Variants in CEP192 observed in about 807,000 individuals in gnomAD.
CEP192 encodes the protein centrosomal protein of 192 kDa.
Under a neutral mutation model 271.8 loss-of-function variants are expected in CEP192, and 151 were observed. That is an observed-to-expected ratio of 0.56 (90% CI 0.49 to 0.64). CEP192 has a LOEUF of 0.64. Among genes scored for constraint, CEP192 ranks in the 30% least tolerant of loss-of-function variants. The pLI is 0.00. For missense variants in CEP192, 2,910 were observed against 3,020.5 expected, an observed-to-expected ratio of 0.96 and a Z score of 0.86; for synonymous variants, 995 against 1,076.5, an observed-to-expected ratio of 0.92 and a Z score of 1.48.
intron 3 of CEP192, among the ~76,000 whole-genome samples, chr18:13,001,958 C>T (rs1409657417): frequency 1.3e-5 from 2 of 152,202 alleles, no homozygotes; most frequent in African/African-American, 4.8e-5. Context: ...CCGCCCCACC[C>T]GCGTTGGCCT....
chr18:13,070,713 C>T (rs140485817), intron 27 of CEP192, among the ~76,000 whole-genome samples: 2,348 of 152,324 alleles, frequency 0.015, 23 homozygotes, highest in Non-Finnish European at 0.023. Flanking sequence ...GAGAGTCAGG[C>T]CTGCACCAGT....
chr18:12,993,123 A>T (rs1030841097), intron 1 of CEP192, among the ~76,000 whole-genome samples: 1 of 152,232 alleles, frequency 6.6e-6, no homozygotes, highest in African/African-American at 2.4e-5. Flanking sequence ...TCTCAGCTCC[A>T]GAAGTGTATT....
Position 13,095,666 on chromosome 18 carries a change from G to A in CEP192, c.6418G>A (p.Val2140Ile), listed in dbSNP as rs1226340480. 1.2e-6 allele frequency: 2 copies of A among 1,612,720 alleles called. No homozygotes were observed. The highest frequency in any genetic ancestry group is 1.7e-6 in the Non-Finnish European group (2 of 1,179,618). ...TGTCCTACCCGAGCACTTGATTCTG[G>A]TAGCTCCTTCTCCTTGTGAGTATGT... ...WTVLPEHLIL[V>I]APSPCDMAKT... The change falls in exon 35 of 45, where the codon GTA (valine) becomes ATA (isoleucine). Residue 2140 changes from valine (V) to isoleucine (I), a missense_variant. Coordinates refer to ENST00000506447, the MANE Select transcript of CEP192 (RefSeq NM_032142.4).
intron 44 of CEP192, 110 bp downstream of exon 44, chr18:13,117,753 C>T: frequency 1.4e-6 from 1 of 737,140 alleles, no homozygotes; most frequent in East Asian, 2.5e-5. Flanking sequence ...TATTCCTCAC[C>T]AGCACCAAAC....
intron 36 of CEP192, among the ~76,000 whole-genome samples, chr18:13,098,468 C>T (rs867216882): frequency 2.6e-4 from 39 of 150,496 alleles, no homozygotes; most frequent in African/African-American, 8.1e-4. Flanking sequence ...TCAGACGGGG[C>T]GGCTGGGCAG....
In CEP192 at chr18:13,022,926, T is replaced by C. The variant is rs2035075316; in HGVS notation, c.1050+3720T>C. Among the ~76,000 whole-genome samples the C allele has an allele frequency of 2.0e-5, 3 of 152,236 alleles. No homozygotes were observed. In the South Asian group the frequency reaches 6.2e-4, roughly 32 times the overall value. ...TATTTTGTTAGATTTATACCTAACT[T>C]ATTTCATATGTGGGGGTGTTAATGT... is the stretch of plus-strand genomic sequence containing the variant. On this transcript the variant is annotated intron_variant, in intron 9 of 44. Coordinates refer to ENST00000506447, the MANE Select transcript of CEP192 (RefSeq NM_032142.4).
intron 34 of CEP192, among the ~76,000 whole-genome samples, chr18:13,092,879 G>T (rs1435035916): frequency 2.6e-5 from 4 of 152,122 alleles, no homozygotes; most frequent in African/African-American, 7.2e-5. Flanking sequence ...CTACGGCCAG[G>T]TATGGTGGCT....
intron 36 of CEP192, among the ~76,000 whole-genome samples, chr18:13,099,200 G>A (rs996927230): frequency 1.3e-5 from 2 of 149,900 alleles, no homozygotes; most frequent in Admixed American, 6.6e-5. Context: ...GAGGGGGAGA[G>A]GGAGAGGGAG....
chr18:13,107,522 C>G (rs769556862), intron 40 of CEP192, among the ~76,000 whole-genome samples: 2 of 152,106 alleles, frequency 1.3e-5, no homozygotes, highest in East Asian at 3.9e-4. Context: ...TTCATTAGCT[C>G]CAAACTATCA....
intron 44 of CEP192, among the ~76,000 whole-genome samples, chr18:13,120,820 G>A (rs2040625318): frequency 6.6e-6 from 1 of 152,146 alleles, no homozygotes; most frequent in African/African-American, 2.4e-5. Context: ...TTGTAAATTT[G>A]GTAAAGTATG....
chr18:13,058,948 A>G (rs921811445), intron 20 of CEP192, 134 bp from the exon 21 acceptor site: 16 of 644,880 alleles, frequency 2.5e-5, no homozygotes, highest in Non-Finnish European at 4.4e-5. Context: ...CAAGGTTTTG[A>G]CATTTTTGAA....
At chr18:13,116,314 T>TA in intron 42 of CEP192, 63 bp from the exon 43 acceptor site, 2 of 1,503,304 alleles carry the variant, frequency 1.3e-6, no homozygotes, top group Non-Finnish European at 1.8e-6. Context: ...TTTTAATATA[T>TA]AAAAACAGTT....
chr18:13,056,544 C>A lies in CEP192; in HGVS notation c.3954C>A (p.Ile1318=), dbSNP rs765999084. Residue 1318 remains isoleucine, a synonymous_variant, in exon 19 of 45, where the codon ATC becomes ATA. Transcript: ENST00000506447. ...VAVGICLGSN[I]GSGWMGTSSL... ...TGGGAATTTGTCTAGGATCAAATAT[C>A]GGCTCTGGATGGATGGGTACCTCTT... 1 of 1,614,070 alleles carries A rather than the reference C, an allele frequency of 6.2e-7. No individual in the cohort carries two copies. The highest frequency in any genetic ancestry group is 8.5e-7 in the Non-Finnish European group (1 of 1,180,040).
intron 7 of CEP192, among the ~76,000 whole-genome samples, chr18:13,017,557 C>T (rs965178980): frequency 6.6e-6 from 1 of 152,202 alleles, no homozygotes; most frequent in Non-Finnish European, 1.5e-5. Flanking sequence ...TGGACATCTA[C>T]ACCCTCTTCC....
At chr18:13,079,564 A>G (rs1208766193) in intron 30 of CEP192, among the ~76,000 whole-genome samples, 4 of 152,100 alleles carry the variant, frequency 2.6e-5, no homozygotes, top group Non-Finnish European at 4.4e-5. Flanking sequence ...TAGATTAAAA[A>G]ATTTTCTCCC....
intron 42 of CEP192, among the ~76,000 whole-genome samples, chr18:13,115,363 A>C (rs564562160): frequency 6.6e-6 from 1 of 152,326 alleles, no homozygotes; most frequent in Admixed American, 6.5e-5. Flanking sequence ...GTTGAGGAGG[A>C]TGAGTGGAAA....
rs531168047 is a variant in CEP192 at position 13,053,523 on chromosome 18, C to T, written c.3189+433C>T. The stretch of plus-strand genomic sequence containing the variant: ...GTGGAGAGTTGTAAGATACAAACTG[C>T]ATCTGGGCACTCCAGGAAGTTTAGA... On this transcript the variant is annotated intron_variant, in intron 18 of 44. Coordinates refer to ENST00000506447, the MANE Select transcript of CEP192 (RefSeq NM_032142.4). 1.2e-4 allele frequency among the ~76,000 whole-genome samples: 18 copies of T among 152,234 alleles called. No individual in the cohort carries two copies. The South Asian group carries it at 3.7e-3, about 32-fold the overall frequency.
chr18:13,004,105 T>G (rs77654128), intron 3 of CEP192, among the ~76,000 whole-genome samples: 2,993 of 152,278 alleles, frequency 0.02, 77 homozygotes, highest in African/African-American at 0.067. Flanking sequence ...TAGCATAGAT[T>G]AGGTCATTGG....
In CEP192 at chr18:13,049,281, T is replaced by A. The variant is rs2036643391; in HGVS notation, c.2490T>A (p.Thr830=). 1.2e-6 allele frequency: 2 copies of A among 1,614,128 alleles called. No individual in the cohort carries two copies. The highest frequency in any genetic ancestry group is 1.3e-5 in the African/African-American group (1 of 75,042). The change falls in exon 16 of 45, where the codon ACT becomes ACA. Residue 830 remains threonine, a synonymous_variant. Coordinates refer to ENST00000506447, the MANE Select transcript of CEP192 (RefSeq NM_032142.4). ...TTCATCCGGTGGACTTAAGTGCTAC[T>A]AGTGTAAGTGTGAGGGCACCAGAAG... The part of the protein sequence containing the change: ...QDIHPVDLSA[T]SVSVRAPEEN...
Sources: allele counts gnomAD v4.1 joint callset (sites outside exome capture counted in the v4.1 genomes callset), GRCh38; gene constraint gnomAD v4.1.1; transcripts MANE v1.5; gene names NCBI Gene and HGNC (gene_info 2026-07-23, HGNC 2026-07-21).